The following ZDHHC14 variants were observed in gnomAD, a reference collection of about 807,000 sequenced individuals.
ZDHHC14 encodes palmitoyltransferase ZDHHC14.
A neutral mutation model predicts 47.7 loss-of-function variants in ZDHHC14; 16 were observed. The observed-to-expected ratio is 0.34, with a 90% CI of 0.23 to 0.51. The LOEUF is 0.51. ZDHHC14 is among the 20% of genes least tolerant of loss of function. ZDHHC14 has a pLI of 0.97. For synonymous variants in ZDHHC14, 293 were observed against 278.9 expected, an observed-to-expected ratio of 1.05 and a Z score of -0.50; for missense variants, 515 against 662.5, an observed-to-expected ratio of 0.78 and a Z score of 2.44.
At chr6:157,471,927 G>A (rs1562439200) in intron 1 of ZDHHC14, among the ~76,000 whole-genome samples, 1 of 152,156 alleles carries the variant, frequency 6.6e-6, no homozygotes, top group Non-Finnish European at 1.5e-5. Flanking sequence ...GCCTGGCACC[G>A]GGTGAAACTT....
intron 7 of ZDHHC14, among the ~76,000 whole-genome samples, chr6:157,650,924 C>G (rs1244300598): frequency 2.0e-5 from 3 of 152,166 alleles, no homozygotes; most frequent in Admixed American, 6.5e-5. Flanking sequence ...AATGCTCTAA[C>G]CTGGTGGGGT....
At position 157,540,910 on chromosome 6, in the gene ZDHHC14, G is replaced by GTATATATATATATATATATATATATA. The variant is rs1554264587; in HGVS notation, c.246-1651_246-1650insTATATATATATATATATATATATATA. On this transcript the variant is annotated intron_variant, in intron 1 of 8. Coordinates refer to ENST00000359775, the MANE Select transcript of ZDHHC14 (RefSeq NM_024630.3). ...TGTATGTGTGTGTGTGTGTGTGTGT[G>GTATATATATATATATATATATATATA]TATATATATATATATATATATATAA... Among the ~76,000 whole-genome samples the GTATATATATATATATATATATATATA allele has an allele frequency of 5.2e-4, 64 of 122,924 alleles. 2 individuals carry two copies. The highest frequency in any genetic ancestry group is 2.5e-3 in the African/African-American group (58 of 23,022). The allele number at this position is 122,924 out of a possible 152,430, so 80.6% of individuals were successfully genotyped here.
At chr6:157,529,442 C>A (rs560557372) in intron 1 of ZDHHC14, among the ~76,000 whole-genome samples, 2 of 152,298 alleles carry the variant, frequency 1.3e-5, no homozygotes, top group East Asian at 3.9e-4. Flanking sequence ...GCTTGATTGA[C>A]AGGGCCCCTG....
intron 1 of ZDHHC14, among the ~76,000 whole-genome samples, chr6:157,413,162 C>T (rs1488831487): frequency 1.3e-5 from 2 of 152,144 alleles, no homozygotes; most frequent in African/African-American, 2.4e-5. Context: ...ACAGTAGACA[C>T]GCACTCCGTG....
chr6:157,636,336 AGTGTGTGTGT>A (rs112041409), intron 5 of ZDHHC14, among the ~76,000 whole-genome samples: 13 of 149,150 alleles, frequency 8.7e-5, no homozygotes, highest in Non-Finnish European at 1.9e-4. Context: ...AGGATATATA[AGTGTGTGTGT>A]GTGTGTGTGT....
chr6:157,407,011 A>G (rs1312348423), intron 1 of ZDHHC14, among the ~76,000 whole-genome samples: 2 of 152,216 alleles, frequency 1.3e-5, no homozygotes, highest in Non-Finnish European at 2.9e-5. Flanking sequence ...TCAACCTTGG[A>G]TTAGAAGTGC....
rs576262690 is a variant in ZDHHC14 at position 157,414,733 on chromosome 6, T to C, written c.245+32467T>C. Among the ~76,000 whole-genome samples, 5 of 152,124 alleles carry C rather than the reference T, an allele frequency of 3.3e-5. No homozygotes were observed. The East Asian group carries it at 5.8e-4, about 18-fold the overall frequency. On this transcript the variant is annotated intron_variant, in intron 1 of 8. Coordinates refer to ENST00000359775, the MANE Select transcript of ZDHHC14 (RefSeq NM_024630.3). ...TTCAGTGTCCATATCGTACAGTTGT[T>C]GGTTTGTGTTTTTTCCTGACAGACT...
intron 1 of ZDHHC14, among the ~76,000 whole-genome samples, chr6:157,447,356 C>T (rs537873086): frequency 2.8e-4 from 43 of 152,314 alleles, no homozygotes; most frequent in Non-Finnish European, 5.6e-4. Flanking sequence ...ATGGGCCATG[C>T]TCTGGGCACC....
intron 1 of ZDHHC14, among the ~76,000 whole-genome samples, chr6:157,407,232 C>G (rs1777782709): frequency 6.6e-6 from 1 of 152,238 alleles, no homozygotes; most frequent in East Asian, 1.9e-4. Flanking sequence ...GAGCTGCTGG[C>G]GTCCCTGGTG....
chr6:157,603,724 T>TGGTTCA (rs778469273), intron 3 of ZDHHC14, among the ~76,000 whole-genome samples: 13 of 152,172 alleles, frequency 8.5e-5, no homozygotes, highest in Non-Finnish European at 1.9e-4. Flanking sequence ...CCCCGGGCGT[T>TGGTTCA]GGTTCAGGTT....
chr6:157,445,942 T>G (rs1040395945), intron 1 of ZDHHC14, among the ~76,000 whole-genome samples: 1 of 152,224 alleles, frequency 6.6e-6, no homozygotes, highest in Non-Finnish European at 1.5e-5. Flanking sequence ...TTCAACAGAT[T>G]GGACTCGCTA....
intron 2 of ZDHHC14, among the ~76,000 whole-genome samples, chr6:157,559,215 T>C (rs770076524): frequency 2.6e-5 from 4 of 152,148 alleles, no homozygotes; most frequent in Admixed American, 2.6e-4. Context: ...TTCACGAGGA[T>C]GTGGTGGTCG....
intron 1 of ZDHHC14, among the ~76,000 whole-genome samples, chr6:157,462,246 G>A (rs1175825694): frequency 2.0e-5 from 3 of 152,120 alleles, no homozygotes; most frequent in Non-Finnish European, 4.4e-5. Context: ...CCTTAGCTCT[G>A]GGGTTTCAGA....
intron 1 of ZDHHC14, among the ~76,000 whole-genome samples, chr6:157,514,278 G>A (rs958820880): frequency 2.6e-5 from 4 of 152,164 alleles, no homozygotes; most frequent in African/African-American, 4.8e-5. Flanking sequence ...ACGGCCATGC[G>A]GCCCACACTG....
rs137900542 is a variant in ZDHHC14 at position 157,455,565 on chromosome 6, T to G, written c.245+73299T>G. Reference sequence around the variant, plus strand: ...CCCTGATGCCGCCGGCCTTTGTGCTTGCGTTTGTGTTGTTTTCTAGATCCT... The same window carrying G: ...CCCTGATGCCGCCGGCCTTTGTGCTGGCGTTTGTGTTGTTTTCTAGATCCT... On this transcript the variant is annotated intron_variant, in intron 1 of 8. Coordinates refer to ENST00000359775, the MANE Select transcript of ZDHHC14 (RefSeq NM_024630.3). Among the ~76,000 whole-genome samples, 913 of 152,242 alleles carry G rather than the reference T, an allele frequency of 6.0e-3. 6 individuals are homozygous for G. The highest frequency in any genetic ancestry group is 0.021 in the African/African-American group (886 of 41,548).
At chr6:157,471,790 A>T (rs904669583) in intron 1 of ZDHHC14, among the ~76,000 whole-genome samples, 2 of 152,182 alleles carry the variant, frequency 1.3e-5, no homozygotes, top group African/African-American at 4.8e-5. Context: ...TTCTGGCGAG[A>T]TACAGGGAGC....
chr6:157,455,247 A>G (rs1372990901), intron 1 of ZDHHC14, among the ~76,000 whole-genome samples: 1 of 152,148 alleles, frequency 6.6e-6, no homozygotes, highest in Non-Finnish European at 1.5e-5. Flanking sequence ...CTGCAGAAAG[A>G]CTCGGTCTTC....
chr6:157,431,688 C>A (rs1478959297), intron 1 of ZDHHC14, among the ~76,000 whole-genome samples: 3 of 151,980 alleles, frequency 2.0e-5, no homozygotes, highest in African/African-American at 7.2e-5. Flanking sequence ...AAGAAGTTAC[C>A]TGGCATTTTT....
intron 1 of ZDHHC14, among the ~76,000 whole-genome samples, chr6:157,420,451 A>T (rs1249317681): frequency 6.6e-6 from 1 of 151,068 alleles, no homozygotes; most frequent in East Asian, 2.0e-4. Context: ...GGTGGGCTGA[A>T]TCGAGGCACT....
Sources: allele counts gnomAD v4.1 joint callset (sites outside exome capture counted in the v4.1 genomes callset), GRCh38; gene constraint gnomAD v4.1.1; transcripts MANE v1.5; gene names NCBI Gene and HGNC (gene_info 2026-07-23, HGNC 2026-07-21).